The following CDKL5 variants were observed in gnomAD, a reference collection of about 807,000 sequenced individuals.
CDKL5 encodes cyclin dependent kinase like 5, also known as cyclin-dependent kinase-like 5.
In CDKL5, 8 loss-of-function variants were observed where a neutral mutation model predicts 61.7. The ratio of observed to expected loss-of-function variants is 0.13; its 90% CI spans 0.08 to 0.23. CDKL5 has a LOEUF of 0.23. Ranked by LOEUF, CDKL5 falls within the 10% of genes least tolerant of loss-of-function variation. The pLI is 1.00. For synonymous variants in CDKL5, 275 were observed against 272.3 expected (o/e 1.01, Z -0.10); for missense variants, 440 against 734.5 (o/e 0.60, Z 4.63).
intron 1 of CDKL5, among the ~76,000 whole-genome samples, chrX:18,467,845 T>C (rs1920976106): frequency 8.9e-6 from 1 of 112,067 alleles, no homozygotes; most frequent in Admixed American, 9.5e-5. Flanking sequence ...TAATTAGTGT[T>C]GTGGAAGGAG....
intron 1 of CDKL5, among the ~76,000 whole-genome samples, chrX:18,450,232 A>G (rs1437943508): frequency 8.9e-6 from 1 of 111,746 alleles, no homozygotes; most frequent in Non-Finnish European, 1.9e-5. Context: ...TAGATTTATT[A>G]TGTTCTGATT....
chrX:18,647,504 A>C, intron 20 of CDKL5: 1 of 485,507 alleles, frequency 2.1e-6, no homozygotes, highest in Non-Finnish European at 3.6e-6. Context: ...TTCACTACTC[A>C]CGCAAGAAAG....
intron 2 of CDKL5, among the ~76,000 whole-genome samples, chrX:18,507,465 T>TA (rs1475749542): frequency 6.5e-5 from 7 of 108,255 alleles, no homozygotes; most frequent in African/African-American, 2.0e-4. Context: ...TTTTTTTTTT[T>TA]AGCAATCATG....
Position 18,604,017 on chromosome X carries a change from A to T in CDKL5, c.1093A>T (p.Ser365Cys), listed in dbSNP as rs1218507745. The change falls in exon 12 of 18, where the codon AGC becomes TGC. Residue 365 changes from serine (S) to cysteine (C), a missense_variant. Around this residue, in one of 2 missense-constraint regions of CDKL5, gnomAD observed 363 missense variants for 516.3 expected, o/e 0.70. Transcript: ENST00000623535. ...RADEGLPANESFLNGNLAGAS... is the reference protein window; with the variant it reads ...RADEGLPANECFLNGNLAGAS... ...TGACGAAGGTCTCCCTGCCAATGAAAGCTTCCTAAATGGAAACCTTGCTGG... is the reference window on the plus strand; with the variant it reads ...TGACGAAGGTCTCCCTGCCAATGAATGCTTCCTAAATGGAAACCTTGCTGG... The T allele has an allele frequency of 8.3e-7, 1 of 1,211,480 alleles. No homozygotes were observed. Among genetic ancestry groups the T allele is most frequent in the South Asian group, 1.8e-5 (1 of 56,959 alleles).
chrX:18,507,324 G>T (rs1348462797), intron 2 of CDKL5, among the ~76,000 whole-genome samples, 164 bp downstream of exon 2: 1 of 110,543 alleles, frequency 9.0e-6, no homozygotes, highest in African/African-American at 3.3e-5. Flanking sequence ...AACAATTTGG[G>T]TCTCACTCTC....
At chrX:18,438,878 C>A (rs1471737423) in intron 1 of CDKL5, among the ~76,000 whole-genome samples, 1 of 109,062 alleles carries the variant, frequency 9.2e-6, no homozygotes, top group Non-Finnish European at 1.9e-5. Flanking sequence ...TTATGTATTA[C>A]ATGCTTTGCT....
chrX:18,554,879 T>G (rs1924544050), intron 3 of CDKL5, among the ~76,000 whole-genome samples: 1 of 111,717 alleles, frequency 9.0e-6, no homozygotes, highest in Non-Finnish European at 1.9e-5. Flanking sequence ...TTTTCTTTCA[T>G]AGCATATTAA....
intron 1 of CDKL5, among the ~76,000 whole-genome samples, chrX:18,499,310 T>C: frequency 9.0e-6 from 1 of 110,736 alleles, no homozygotes; most frequent in Non-Finnish European, 1.9e-5. Context: ...TTTTTATAGT[T>C]TGATCTTTCA....
At chrX:18,527,092 C>G (rs759949209) in intron 3 of CDKL5, among the ~76,000 whole-genome samples, 201 of 112,224 alleles carry the variant, frequency 1.8e-3, no homozygotes, top group Middle Eastern at 4.7e-3. Context: ...CTTGAAGCAG[C>G]CTTTCATACC....
Position 18,449,376 on chromosome X carries a change from T to C in CDKL5, c.-163+23681T>C, listed in dbSNP as rs181469596. ...TAAAGTAGAGCTTCAGTGCCCTGTC[T>C]TCGTGGGTTTCCCCCTTTTCTCTAT... On this transcript the variant is annotated intron_variant, in intron 1 of 17. Transcript: ENST00000623535. Among the ~76,000 whole-genome samples the C allele has an allele frequency of 4.4e-3, 495 of 112,496 alleles. 2 individuals are homozygous for C. The Middle Eastern group carries it at 0.046, about 10-fold the overall frequency.
At position 18,635,142 on chromosome X, in the gene CDKL5, A is replaced by G; in HGVS notation, c.*6385A>G. 1 of 751,027 alleles carries G rather than the reference A, an allele frequency of 1.3e-6. No individual in the cohort carries two copies. Among genetic ancestry groups the G allele is most frequent in the Non-Finnish European group, 1.6e-6 (1 of 636,781 alleles). 61.9% of individuals were successfully genotyped at this position (751,027 alleles called of 1,213,427 possible). ...TGAATACTTAAATCCTCACAAGTGA[A>G]TTATGAACCATTTGTAAAGTGTTTC... On this transcript the variant is annotated 3_prime_UTR_variant, in exon 18 of 18. Transcript: ENST00000623535.
At chrX:18,437,452 G>A (rs939272451) in intron 1 of CDKL5, among the ~76,000 whole-genome samples, 1 of 111,755 alleles carries the variant, frequency 8.9e-6, no homozygotes, top group Non-Finnish European at 1.9e-5. Flanking sequence ...TAATCTGCTC[G>A]AAGTATTTAA....
At chrX:18,451,595 G>A (rs1932018382) in intron 1 of CDKL5, among the ~76,000 whole-genome samples, 1 of 111,747 alleles carries the variant, frequency 8.9e-6, no homozygotes, top group African/African-American at 3.3e-5. Flanking sequence ...CTAGAGTGCA[G>A]TGGCATGATC....
chrX:18,649,369 A>G (rs1188457435), intron 20 of CDKL5, among the ~76,000 whole-genome samples: 1 of 111,754 alleles, frequency 8.9e-6, no homozygotes, highest in Non-Finnish European at 1.9e-5. Flanking sequence ...TAGTTTTCTG[A>G]TGATGAATGA....
chrX:18,457,587 A>G (rs1025645434), intron 1 of CDKL5: 2 of 110,968 alleles, frequency 1.8e-5, no homozygotes, highest in Admixed American at 1.9e-4. Flanking sequence ...AGATGCGTCT[A>G]AACCCTGGTA....
At chrX:18,442,172 G>C (rs1931760672) in intron 1 of CDKL5, 1 of 111,570 alleles carries the variant, frequency 9.0e-6, no homozygotes, top group South Asian at 3.8e-4. Context: ...CCCCAGGTTT[G>C]CATCACAATG....
At chrX:18,644,598 G>A (rs1927704453), downstream of CDKL5, 2 of 1,211,425 alleles carry the variant, frequency 1.7e-6, no homozygotes, top group Non-Finnish European at 2.2e-6. Flanking sequence ...ACTGGCTACT[G>A]TCCTGGAACT....
At chrX:18,429,475 A>G (rs1440084707) in intron 1 of CDKL5, among the ~76,000 whole-genome samples, 1 of 111,609 alleles carries the variant, frequency 9.0e-6, no homozygotes, top group African/African-American at 3.3e-5. Context: ...AGGTCTTCTT[A>G]CCTCCTGTAT....
chrX:18,514,655 C>T (rs1422770825), intron 3 of CDKL5, among the ~76,000 whole-genome samples: 2 of 103,651 alleles, frequency 1.9e-5, no homozygotes, highest in East Asian at 3.0e-4. Context: ...TGCAGTGAAC[C>T]GATATCGCAC....
Sources: allele counts gnomAD v4.1 joint callset (sites outside exome capture counted in the v4.1 genomes callset), GRCh38; gene constraint gnomAD v4.1.1; regional missense constraint gnomAD v4.1.1; transcripts MANE v1.5; gene names NCBI Gene and HGNC (gene_info 2026-07-23, HGNC 2026-07-21).